SLC25A37: variants seen among roughly 807,000 people sequenced by gnomAD.
SLC25A37 encodes the protein mitoferrin-1.
In SLC25A37, 17 loss-of-function variants were observed where a neutral mutation model predicts 31.0. The ratio of observed to expected loss-of-function variants is 0.55; its 90% CI spans 0.38 to 0.82. The LOEUF is 0.82. Ranked by LOEUF, SLC25A37 falls within the 40% of genes least tolerant of loss-of-function variation. The pLI is 0.00. For missense variants in SLC25A37, 404 were observed against 465.8 expected (o/e 0.87, Z 1.22); for synonymous variants, 222 against 193.0 (o/e 1.15, Z -1.24).
chr8:23,555,826 C>T (rs1256883377), intron 1 of SLC25A37, among the ~76,000 whole-genome samples: 1 of 152,242 alleles, frequency 6.6e-6, no homozygotes, highest in Non-Finnish European at 1.5e-5. Flanking sequence ...TATGAATCCA[C>T]TTTCTCCCCC....
chr8:23,569,156 C>T (rs888743189), intron 3 of SLC25A37, among the ~76,000 whole-genome samples: 4 of 151,910 alleles, frequency 2.6e-5, no homozygotes, highest in African/African-American at 9.7e-5. Flanking sequence ...CCCAGCTGTT[C>T]GGAAGGCTGA....
At chr8:23,539,176 G>T (rs1193245411) in intron 1 of SLC25A37, among the ~76,000 whole-genome samples, 2 of 152,220 alleles carry the variant, frequency 1.3e-5, no homozygotes, top group East Asian at 3.8e-4. Flanking sequence ...GAAATAGGGA[G>T]AAATCCCAGC....
intron 3 of SLC25A37, 99 bp from the exon 4 acceptor site, chr8:23,571,236 C>G (rs1802820396): frequency 2.9e-6 from 4 of 1,392,650 alleles, no homozygotes; most frequent in Middle Eastern, 2.6e-4. Context: ...TGGCTTGTTT[C>G]TCTTTATGGC....
chr8:23,570,372 T>A (rs890494088), intron 3 of SLC25A37, among the ~76,000 whole-genome samples: 1 of 107,868 alleles, frequency 9.3e-6, no homozygotes, highest in Admixed American at 1.2e-4. Flanking sequence ...GACAGTGTTT[T>A]GGGGACAGGA....
At chr8:23,548,397 C>G (rs1285539806) in intron 1 of SLC25A37, among the ~76,000 whole-genome samples, 1 of 151,484 alleles carries the variant, frequency 6.6e-6, no homozygotes, top group East Asian at 1.9e-4. Flanking sequence ...TCAGGATGGT[C>G]TCAATCTCCT....
rs932791072 is a variant in SLC25A37 at position 23,565,996 on chromosome 8, T to C, written c.211-112T>C. On this transcript the variant is annotated intron_variant, in intron 1 of 3. Transcript: ENST00000519973. ...ATATGTTTCCTTCCCAGAGAAATCC[T>C]GTGAAACTATGACATTGTTTTTCTC... 4 of 1,387,062 alleles carry C rather than the reference T, an allele frequency of 2.9e-6. No homozygotes were observed. In the Admixed American group the frequency reaches 1.4e-4, roughly 47 times the overall value. The allele number at this position is 1,387,062 out of a possible 1,614,324, so 85.9% of individuals were successfully genotyped here.
At chr8:23,530,028 A>C (rs1235440371) in intron 1 of SLC25A37, among the ~76,000 whole-genome samples, 1 of 152,138 alleles carries the variant, frequency 6.6e-6, no homozygotes, top group Non-Finnish European at 1.5e-5. Flanking sequence ...CAGCGTTACT[A>C]GGTGCGTTTT....
At chr8:23,548,656 C>G (rs35469695) in intron 1 of SLC25A37, among the ~76,000 whole-genome samples, 26,601 of 151,620 alleles carry the variant, frequency 0.18, 2,559 homozygotes, top group South Asian at 0.28. Context: ...TTTTAGTAGA[C>G]ACTGGGTTTC....
intron 1 of SLC25A37, among the ~76,000 whole-genome samples, chr8:23,545,264 C>G (rs1802004852): frequency 6.6e-6 from 1 of 152,208 alleles, no homozygotes; most frequent in Admixed American, 6.5e-5. Flanking sequence ...TGTGTCACTT[C>G]TTGTCTCTTT....
chr8:23,536,920 G>A (rs1801780360), intron 1 of SLC25A37, among the ~76,000 whole-genome samples: 1 of 152,212 alleles, frequency 6.6e-6, no homozygotes, highest in Non-Finnish European at 1.5e-5. Context: ...TTTAGGCCGA[G>A]CTCAGTGGCT....
chr8:23,547,261 A>G (rs2280863), intron 1 of SLC25A37, among the ~76,000 whole-genome samples: 54,069 of 151,918 alleles, frequency 0.36, 10,787 homozygotes, highest in East Asian at 0.61. Context: ...ACATTTGTCA[A>G]TCCAGAACCA....
chr8:23,569,446 G>A (rs1802763149), intron 3 of SLC25A37, among the ~76,000 whole-genome samples: 1 of 138,594 alleles, frequency 7.2e-6, no homozygotes, highest in African/African-American at 3.1e-5. Flanking sequence ...CTTAGCCCTT[G>A]TTAACCCTTA....
chr8:23,531,473 C>T (rs990003943), intron 1 of SLC25A37, among the ~76,000 whole-genome samples: 2 of 152,192 alleles, frequency 1.3e-5, no homozygotes, highest in Non-Finnish European at 2.9e-5. Context: ...ACATTTTTAA[C>T]CCATGCCTCG....
At chr8:23,555,930 GT>G (rs1045688095) in intron 1 of SLC25A37, among the ~76,000 whole-genome samples, 3 of 152,236 alleles carry the variant, frequency 2.0e-5, no homozygotes, top group Non-Finnish European at 2.9e-5. Context: ...TAGTTGAAGT[GT>G]TTTCCACCAG....
At position 23,572,143 on chromosome 8, in the gene SLC25A37, C is replaced by T; in HGVS notation, c.*288C>T. On this transcript the variant is annotated 3_prime_UTR_variant, in exon 4 of 4. Coordinates refer to ENST00000519973, the MANE Select transcript of SLC25A37 (RefSeq NM_016612.4). ...AGCTTTTCTGCTTCACTGTGGCAGC[C>T]TCCTCCCTGGATCCTTAGATCCCAG... is the stretch of plus-strand genomic sequence containing the variant. 4.1e-6 allele frequency: 1 copy of T among 246,842 alleles called. No homozygotes were observed. Among genetic ancestry groups the T allele is most frequent in the Non-Finnish European group, 7.4e-6 (1 of 135,866 alleles). 15.3% of individuals were successfully genotyped at this position (246,842 alleles called of 1,614,324 possible). A position where few individuals can be genotyped will look rare whatever the true frequency, so the allele number is the denominator to read the frequency against.
In SLC25A37 at chr8:23,572,887, A is replaced by G. The variant is rs1321592820; in HGVS notation, c.*1032A>G. On this transcript the variant is annotated 3_prime_UTR_variant, in exon 4 of 4. Coordinates refer to ENST00000519973, the MANE Select transcript of SLC25A37 (RefSeq NM_016612.4). The stretch of plus-strand genomic sequence containing the variant: ...CTGCCTTCCCCGGTCAGCACTTAGA[A>G]GCCCTTGATAGGCAGCATTTGGCGA... 2 of 152,240 alleles carry G rather than the reference A, an allele frequency of 1.3e-5. No homozygotes were observed. The highest frequency in any genetic ancestry group is 2.9e-5 in the Non-Finnish European group (2 of 68,060). The allele number at this position is 152,240 out of a possible 1,614,324, so 9.4% of individuals were successfully genotyped here.
chr8:23,569,755 C>A (rs923366577), intron 3 of SLC25A37, among the ~76,000 whole-genome samples: 1 of 137,630 alleles, frequency 7.3e-6, no homozygotes, highest in Non-Finnish European at 1.7e-5. Context: ...TTATATATCC[C>A]GGCGTCTTAG....
Position 23,571,516 on chromosome 8 carries a change from C to T in SLC25A37, c.678C>T (p.Val226=). 6 of 1,613,964 alleles carry T rather than the reference C, an allele frequency of 3.7e-6. No individual in the cohort carries two copies. The East Asian group carries it at 6.7e-5, about 18-fold the overall frequency. ...FITYEFLQEQ[V]NPHRTYNPQS... is the part of the protein sequence containing the mutation. ...CCTATGAGTTCCTGCAGGAGCAGGT[C>T]AACCCCCACCGGACCTACAACCCGC... The change falls in exon 4 of 4, where the codon GTC becomes GTT. Residue 226 remains valine, a synonymous_variant. Transcript: ENST00000519973.
intron 1 of SLC25A37, among the ~76,000 whole-genome samples, chr8:23,565,121 C>T (rs575705306): frequency 1.3e-5 from 2 of 152,276 alleles, no homozygotes; most frequent in South Asian, 2.1e-4. Context: ...TTTTTTCTCA[C>T]GAGGCCTTCA....
Sources: allele counts gnomAD v4.1 joint callset (sites outside exome capture counted in the v4.1 genomes callset), GRCh38; gene constraint gnomAD v4.1.1; transcripts MANE v1.5; gene names NCBI Gene and HGNC (gene_info 2026-07-23, HGNC 2026-07-21).